TMCC1: variants seen among roughly 807,000 people sequenced by gnomAD.
TMCC1 encodes the protein transmembrane and coiled-coil domains protein 1.
In TMCC1, 15 loss-of-function variants were observed where a neutral mutation model predicts 52.4. That is an observed-to-expected ratio of 0.29 (90% CI 0.19 to 0.44). The LOEUF (loss-of-function observed/expected upper bound fraction) is 0.44. Among genes scored for constraint, TMCC1 ranks in the 20% least tolerant of loss-of-function variants. TMCC1 has a pLI of 1.00. For missense variants in TMCC1, 503 were observed against 806.0 expected (o/e 0.62, Z 4.55); for synonymous variants, 279 against 301.9 (o/e 0.92, Z 0.79).
chr3:129,760,498 T>TG (rs2053469922), intron 4 of TMCC1, among the ~76,000 whole-genome samples: 8 of 79,350 alleles, frequency 1.0e-4, no homozygotes, highest in East Asian at 3.1e-4. Context: ...GTGTGTGTTT[T>TG]TGAGACAGTC....
At chr3:129,870,024 T>C (rs545236553) in intron 2 of TMCC1, among the ~76,000 whole-genome samples, 1 of 152,360 alleles carries the variant, frequency 6.6e-6, no homozygotes, top group Admixed American at 6.5e-5. Flanking sequence ...CAGCAACCTT[T>C]ACTTTTTATC....
chr3:129,711,844 ATAC>A (rs1436062531), intron 4 of TMCC1, among the ~76,000 whole-genome samples: 24 of 148,744 alleles, frequency 1.6e-4, no homozygotes, highest in African/African-American at 4.4e-4. Flanking sequence ...AAAAAAAAAA[ATAC>A]AAAAATCAGC....
chr3:129,812,567 C>CT (rs1250961376), intron 4 of TMCC1, among the ~76,000 whole-genome samples: 1 of 151,936 alleles, frequency 6.6e-6, no homozygotes, highest in Non-Finnish European at 1.5e-5. Context: ...TTTATCTTCA[C>CT]TGGCTGGATT....
In TMCC1 at chr3:129,653,076, T is replaced by C. The variant is rs72977222; in HGVS notation, c.1648-1281A>G. 8.2e-3 allele frequency among the ~76,000 whole-genome samples: 1,253 copies of C among 152,344 alleles called. 10 individuals are homozygous for C. The highest frequency in any genetic ancestry group is 0.028 in the African/African-American group (1,147 of 41,576). ...TAGGAATCGATTCACAACTTGCTTT[T>C]TTTTTCATTCAACAGTGGGTCTTGG... On this transcript the variant is annotated intron_variant, in intron 6 of 6. Transcript: ENST00000393238.
chr3:129,815,838 A>C (rs2058069303), intron 4 of TMCC1, among the ~76,000 whole-genome samples: 1 of 152,240 alleles, frequency 6.6e-6, no homozygotes, highest in African/African-American at 2.4e-5. Flanking sequence ...AAATATTTAC[A>C]AACTATCCAT....
At chr3:129,725,495 TAAATAGAAAAAAG>T (rs943261060) in intron 4 of TMCC1, among the ~76,000 whole-genome samples, 2 of 150,706 alleles carry the variant, frequency 1.3e-5, no homozygotes, top group African/African-American at 4.9e-5. Context: ...TTTTTTTAAG[TAAATAGAAAAAAG>T]AAATAGAAAA....
At chr3:129,717,864 A>T (rs2049227390) in intron 4 of TMCC1, among the ~76,000 whole-genome samples, 1 of 152,220 alleles carries the variant, frequency 6.6e-6, no homozygotes, top group African/African-American at 2.4e-5. Flanking sequence ...AACCAGAATG[A>T]TCCTTTAAAA....
chr3:129,794,176 TAAAAGAAC>T (rs1358760053), intron 4 of TMCC1: 1 of 373,368 alleles, frequency 2.7e-6, no homozygotes, highest in Non-Finnish European at 5.2e-6. Context: ...GCCTGTCAGA[TAAAAGAAC>T]AAAAGGCAGT....
intron 4 of TMCC1, among the ~76,000 whole-genome samples, chr3:129,805,140 G>A (rs915990801): frequency 1.3e-5 from 2 of 151,950 alleles, no homozygotes; most frequent in African/African-American, 4.8e-5. Context: ...CCTTAATATC[G>A]AAAGTCACCT....
chr3:129,854,451 T>C (rs991557687), intron 2 of TMCC1, among the ~76,000 whole-genome samples: 3 of 151,172 alleles, frequency 2.0e-5, no homozygotes, highest in Non-Finnish European at 4.4e-5. Context: ...AACCCTTTAA[T>C]GGCTACTTAC....
intron 2 of TMCC1, among the ~76,000 whole-genome samples, chr3:129,875,820 A>G (rs1397088500): frequency 6.6e-6 from 1 of 152,164 alleles, no homozygotes; most frequent in Non-Finnish European, 1.5e-5. Context: ...TGCTACATAG[A>G]CTGGATACTT....
intron 5 of TMCC1, among the ~76,000 whole-genome samples, chr3:129,664,087 A>T (rs2087258542): frequency 6.6e-6 from 1 of 152,090 alleles, no homozygotes; most frequent in African/African-American, 2.4e-5. Context: ...CTCACCCATA[A>T]ATCTCTTTTA....
At chr3:129,878,891 C>G (rs1367543686) in intron 2 of TMCC1, among the ~76,000 whole-genome samples, 1 of 152,172 alleles carries the variant, frequency 6.6e-6, no homozygotes, top group East Asian at 1.9e-4. Context: ...TAAGGACCCA[C>G]CCTCACCATT....
chr3:129,702,952 G>A (rs1209957156), intron 4 of TMCC1, among the ~76,000 whole-genome samples: 6 of 152,142 alleles, frequency 3.9e-5, no homozygotes, highest in African/African-American at 1.2e-4. Flanking sequence ...GGAGGTTGAG[G>A]TTGCAGTGGG....
chr3:129,850,621 G>A (rs1448828082), intron 2 of TMCC1, among the ~76,000 whole-genome samples: 1 of 152,134 alleles, frequency 6.6e-6, no homozygotes, highest in Non-Finnish European at 1.5e-5. Context: ...AGCTCGGTGG[G>A]GGAGACCCTA....
intron 2 of TMCC1, among the ~76,000 whole-genome samples, chr3:129,875,372 A>G (rs1198956770): frequency 1.3e-5 from 2 of 151,336 alleles, no homozygotes; most frequent in Non-Finnish European, 2.9e-5. Flanking sequence ...GGCGCCTGTA[A>G]TCCCAGCTAC....
At chr3:129,761,233 C>A (rs1197550945) in intron 4 of TMCC1, among the ~76,000 whole-genome samples, 1 of 146,250 alleles carries the variant, frequency 6.8e-6, no homozygotes, top group Non-Finnish European at 1.5e-5. Context: ...GAGGGTGAGG[C>A]GGGAGAATGG....
intron 4 of TMCC1, among the ~76,000 whole-genome samples, chr3:129,742,703 T>C (rs931614551): frequency 3.9e-5 from 6 of 152,208 alleles, no homozygotes; most frequent in African/African-American, 1.2e-4. Flanking sequence ...GAATAAATGT[T>C]TCCACAGATA....
intron 4 of TMCC1, among the ~76,000 whole-genome samples, chr3:129,743,573 C>T (rs1217711922): frequency 1.3e-5 from 2 of 152,054 alleles, no homozygotes; most frequent in African/African-American, 4.8e-5. Context: ...ATACAAATGG[C>T]ACCATGGAAT....
Sources: gnomAD v4.1 joint callset for allele counts (sites outside exome capture counted in the v4.1 genomes callset) on GRCh38, gnomAD v4.1.1 for gene constraint, MANE v1.5 for transcripts, NCBI Gene and HGNC (gene_info 2026-07-23, HGNC 2026-07-21) for gene names.